ZDHHC13: variants seen among roughly 807,000 people sequenced by gnomAD.
ZDHHC13 encodes the protein zDHHC palmitoyltransferase 13.
In ZDHHC13, 85 loss-of-function variants were observed where a neutral mutation model predicts 86.0. The observed-to-expected ratio is 0.99, with a 90% CI of 0.83 to 1.18. The LOEUF (loss-of-function observed/expected upper bound fraction) is 1.18. ZDHHC13 is among the 50% of genes most tolerant of loss of function. ZDHHC13 has a pLI of 0.00. For synonymous variants in ZDHHC13, 263 were observed against 246.4 expected (o/e 1.07, Z -0.63); for missense variants, 711 against 730.2 (o/e 0.97, Z 0.30).
chr11:19,152,491 TAA>T, intron 7 of ZDHHC13, 66 bp from the exon 8 acceptor site: 1 of 1,484,048 alleles, frequency 6.7e-7, no homozygotes, highest in Non-Finnish European at 8.9e-7. Context: ...CTGGTGTTTT[TAA>T]AAAAAGTTTA....
At chr11:19,143,924 C>T (rs1316090923) in intron 2 of ZDHHC13, among the ~76,000 whole-genome samples, 1 of 152,158 alleles carries the variant, frequency 6.6e-6, no homozygotes, top group Non-Finnish European at 1.5e-5. Context: ...GATTGCCCAT[C>T]AAATAAAAAT....
Position 19,172,794 on chromosome 11 carries a change from G to T in ZDHHC13, c.1704G>T (p.Thr568=), listed in dbSNP as rs563409613. The T allele has an allele frequency of 6.2e-7, 1 of 1,605,332 alleles. No individual in the cohort carries two copies. The highest frequency in any genetic ancestry group is 8.5e-7 in the Non-Finnish European group (1 of 1,175,934). The change falls in exon 16 of 17, where the codon ACG becomes ACT. Residue 568 remains threonine (T), a synonymous_variant. Transcript: ENST00000446113. The part of the protein sequence containing the change: ...LQKQSKHMKQ[T]LSLRKTPYNL... The stretch of plus-strand genomic sequence containing the variant: ...AGCAGAGCAAGCATATGAAACAGAC[G>T]TTGTCCCTCAGGAAGACACCATACA...
At position 19,138,612 on chromosome 11, in the gene ZDHHC13, AAAG is replaced by A. The variant is rs1445044782; in HGVS notation, c.28-4364_28-4362del. On this transcript the variant is annotated intron_variant, in intron 1 of 16. Transcript: ENST00000446113. ...AAAGCCGGGCAGAGACACAACCAAA[AAAG>A]AGAATTTTAGACCAATATCCTTGAT... is the stretch of plus-strand genomic sequence containing the variant. 9.9e-5 allele frequency among the ~76,000 whole-genome samples: 15 copies of A among 151,794 alleles called. No homozygotes were observed. In the South Asian group the frequency reaches 3.1e-3, roughly 32 times the overall value.
chr11:19,133,386 TAC>T lies in ZDHHC13; in HGVS notation c.28-9572_28-9571del, dbSNP rs55880977. On this transcript the variant is annotated intron_variant, in intron 1 of 16. Coordinates refer to ENST00000446113, the MANE Select transcript of ZDHHC13 (RefSeq NM_019028.3). ...ATATATATACCCACACACATATATA[TAC>T]ACACACACACACACACACATATATA... Among the ~76,000 whole-genome samples the T allele has an allele frequency of 4.8e-3, 713 of 149,578 alleles. 6 individuals are homozygous for T. Among genetic ancestry groups the T allele is most frequent in the African/African-American group, 0.016 (661 of 40,806 alleles).
chr11:19,124,802 C>G (rs1848837797), intron 1 of ZDHHC13, among the ~76,000 whole-genome samples: 2 of 151,854 alleles, frequency 1.3e-5, no homozygotes, highest in Non-Finnish European at 2.9e-5. Context: ...TCAGAATTTA[C>G]CTATTCAGAA....
At chr11:19,124,668 A>G (rs952473178) in intron 1 of ZDHHC13, among the ~76,000 whole-genome samples, 1 of 152,060 alleles carries the variant, frequency 6.6e-6, no homozygotes, top group Non-Finnish European at 1.5e-5. Flanking sequence ...TTACTGTGAT[A>G]TCAGGAAAAG....
intron 16 of ZDHHC13, among the ~76,000 whole-genome samples, chr11:19,173,243 C>G (rs1046879144): frequency 2.6e-5 from 4 of 152,204 alleles, no homozygotes; most frequent in Non-Finnish European, 5.9e-5. Context: ...TCTATCACCA[C>G]TAATTCTTCT....
At chr11:19,158,057 C>T (rs1177124803) in intron 9 of ZDHHC13, among the ~76,000 whole-genome samples, 1 of 152,066 alleles carries the variant, frequency 6.6e-6, no homozygotes, top group Non-Finnish European at 1.5e-5. Flanking sequence ...CAGACCATAC[C>T]CTGGAGGTTG....
chr11:19,175,389 CAAAAAAAAAA>C lies in ZDHHC13; in HGVS notation c.1731-414_1731-405del, dbSNP rs58806796. Among the ~76,000 whole-genome samples the C allele has an allele frequency of 3.0e-4, 17 of 56,374 alleles. 1 individual carries two copies. The highest frequency in any genetic ancestry group is 2.3e-3 in the South Asian group (2 of 858). 37.0% of individuals were successfully genotyped at this position (56,374 alleles called of 152,430 possible). On this transcript the variant is annotated intron_variant, in intron 16 of 16. Coordinates refer to ENST00000446113, the MANE Select transcript of ZDHHC13 (RefSeq NM_019028.3). ...TGGGTGACAGAGCGAGACTCCGTCTCAAAAAAAAAAAAAAAAAAAAAAAAAAAAGGTTTAG... is the reference window on the plus strand; with the variant it reads ...TGGGTGACAGAGCGAGACTCCGTCTCAAAAAAAAAAAAAAAAAAGGTTTAG...
At chr11:19,123,294 G>C (rs995467203) in intron 1 of ZDHHC13, among the ~76,000 whole-genome samples, 1 of 152,016 alleles carries the variant, frequency 6.6e-6, no homozygotes, top group Admixed American at 6.6e-5. Flanking sequence ...TTTGTATCTA[G>C]AATGAGTCAG....
chr11:19,139,249 A>G (rs577320061), intron 1 of ZDHHC13, among the ~76,000 whole-genome samples: 13 of 152,234 alleles, frequency 8.5e-5, no homozygotes, highest in Admixed American at 5.2e-4. Flanking sequence ...CAAAAATCAC[A>G]AGGATTCTTA....
chr11:19,166,412 G>T (rs776340301), intron 14 of ZDHHC13, 27 bp downstream of exon 14: 1 of 1,552,318 alleles, frequency 6.4e-7, no homozygotes, highest in African/African-American at 1.4e-5. Context: ...CTTACAACAA[G>T]CACATACATC....
chr11:19,170,655 A>G, intron 15 of ZDHHC13, 87 bp downstream of exon 15: 1 of 1,302,886 alleles, frequency 7.7e-7, no homozygotes, highest in African/African-American at 1.5e-5. Flanking sequence ...CAGAAGATGC[A>G]CATTCTGTTT....
chr11:19,118,169 T>C (rs111787143), intron 1 of ZDHHC13, among the ~76,000 whole-genome samples: 2 of 152,208 alleles, frequency 1.3e-5, no homozygotes, highest in African/African-American at 4.8e-5. Flanking sequence ...ATTATCCCCA[T>C]ATACAGATGA....
At chr11:19,167,717 C>A (rs1850110002) in intron 14 of ZDHHC13, 1 of 152,180 alleles carries the variant, frequency 6.6e-6, no homozygotes, top group South Asian at 2.1e-4. Flanking sequence ...AGGTTGTAAT[C>A]TCTGAGCTCA....
rs747565442 is a variant in ZDHHC13, at chr11:19,163,380, G to A, written c.1186G>A (p.Ala396Thr). ...TCTATACTTTTTCTATAAGACTTGG[G>A]CAACTGATCCAGGCTTCACTAAGGC... Reference protein sequence around the residue: ...AFLYFFYKTWATDPGFTKASE... With the variant: ...AFLYFFYKTWTTDPGFTKASE... Residue 396 changes from alanine (A) to threonine (T), a missense_variant, in exon 11 of 17, where the codon GCA becomes ACA. By Grantham distance (58) the Ala-to-Thr change is moderately conservative. Coordinates refer to ENST00000446113, the MANE Select transcript of ZDHHC13 (RefSeq NM_019028.3). 5 of 1,607,192 alleles carry A rather than the reference G, an allele frequency of 3.1e-6. No individual in the cohort carries two copies. The South Asian group carries it at 4.5e-5, about 14-fold the overall frequency.
In ZDHHC13 at chr11:19,176,074, G is replaced by A. The variant is rs980067182; in HGVS notation, c.*114G>A. The A allele has an allele frequency of 1.6e-6, 2 of 1,237,682 alleles. No homozygotes were observed. The highest frequency in any genetic ancestry group is 3.1e-5 in the African/African-American group (2 of 63,990). 76.7% of individuals were successfully genotyped at this position (1,237,682 alleles called of 1,614,324 possible). On this transcript the variant is annotated 3_prime_UTR_variant, in exon 17 of 17. Coordinates refer to ENST00000446113, the MANE Select transcript of ZDHHC13 (RefSeq NM_019028.3). ...ACCTAAGTCCAAAGGAAAACACGTG[G>A]TTTTTAAAGCCATTAGGTAAAAAAA...
intron 10 of ZDHHC13, among the ~76,000 whole-genome samples, chr11:19,160,432 C>T (rs922863551): frequency 1.3e-5 from 2 of 151,766 alleles, no homozygotes; most frequent in African/African-American, 4.9e-5. Context: ...ATGAGTGCAT[C>T]AAATAACAGC....
At chr11:19,148,271 G>T (rs1334469971) in intron 4 of ZDHHC13, among the ~76,000 whole-genome samples, 2 of 129,560 alleles carry the variant, frequency 1.5e-5, no homozygotes, top group Non-Finnish European at 3.4e-5. Context: ...GGTTGGTGGG[G>T]TTGACAGGAA....
Sources: allele counts gnomAD v4.1 joint callset (sites outside exome capture counted in the v4.1 genomes callset), GRCh38; gene constraint gnomAD v4.1.1; transcripts MANE v1.5; gene names NCBI Gene and HGNC (gene_info 2026-07-23, HGNC 2026-07-21).